The following LARGE1 variants were observed in gnomAD, a reference collection of about 807,000 sequenced individuals.
LARGE1 encodes the protein LARGE xylosyl- and glucuronyltransferase 1.
LARGE1 carries 43 observed loss-of-function variants against 87.6 expected under a neutral mutation model. That is an observed-to-expected ratio of 0.49 (90% confidence interval 0.38 to 0.63). The LOEUF is 0.63. Among genes scored for constraint, LARGE1 ranks in the 30% least tolerant of loss-of-function variants. LARGE1 has a pLI of 0.00. For missense variants in LARGE1, 802 were observed against 1,000.2 expected (o/e 0.80, Z 2.67); for synonymous variants, 434 against 394.6 (o/e 1.10, Z -1.18).
chr22:33,782,725 C>T (rs893661650), intron 1 of LARGE1, among the ~76,000 whole-genome samples: 2 of 151,764 alleles, frequency 1.3e-5, no homozygotes, highest in Admixed American at 1.3e-4. Context: ...ATTAGCTGGG[C>T]GTGGTGGTGC....
At chr22:33,713,507 C>T (rs1011362467) in intron 2 of LARGE1, among the ~76,000 whole-genome samples, 1 of 152,134 alleles carries the variant, frequency 6.6e-6, no homozygotes, top group African/African-American at 2.4e-5. Flanking sequence ...AGCCAGCACA[C>T]ACAGCTGGAC....
At chr22:33,126,135 A>G in the LARGE1 span, among the ~76,000 whole-genome samples, 1 of 152,260 alleles carries the variant, frequency 6.6e-6, no homozygotes, top group African/African-American at 2.4e-5. Flanking sequence ...AAGAGCTGTT[A>G]TATAAAATGA....
chr22:33,766,644 C>CA (rs1371957306), intron 1 of LARGE1, among the ~76,000 whole-genome samples: 2 of 151,810 alleles, frequency 1.3e-5, no homozygotes, highest in African/African-American at 4.8e-5. Context: ...AGGCTGGTCT[C>CA]AAACTCCTGA....
chr22:33,355,417 C>T (rs889611059), intron 9 of LARGE1, among the ~76,000 whole-genome samples: 4 of 152,220 alleles, frequency 2.6e-5, no homozygotes, highest in Non-Finnish European at 5.9e-5. Flanking sequence ...GCACTCAATA[C>T]TGGGTAGCTT....
intron 14 of LARGE1, among the ~76,000 whole-genome samples, chr22:33,275,107 A>C (rs1260451093): frequency 6.6e-6 from 1 of 152,180 alleles, no homozygotes; most frequent in Non-Finnish European, 1.5e-5. Flanking sequence ...GAGGGTACAA[A>C]ACAGGAATGA....
chr22:33,530,490 T>TA (rs2072145507), intron 6 of LARGE1, among the ~76,000 whole-genome samples: 1 of 144,136 alleles, frequency 6.9e-6, no homozygotes, highest in Non-Finnish European at 1.5e-5. Flanking sequence ...AGCCATCAGA[T>TA]AAGTCTCCTA....
the LARGE1 span, among the ~76,000 whole-genome samples, chr22:33,148,071 T>A: frequency 6.6e-6 from 1 of 152,190 alleles, no homozygotes; most frequent in Admixed American, 6.5e-5. Context: ...AGTGGGCTCC[T>A]CTTCAAGGGA....
chr22:33,135,443 A>C, the LARGE1 span, among the ~76,000 whole-genome samples: 1 of 152,250 alleles, frequency 6.6e-6, no homozygotes, highest in African/African-American at 2.4e-5. Flanking sequence ...ATATCATTAA[A>C]TACATTTTAG....
At chr22:33,197,632 A>G (rs1359829707) in intron 11 of LARGE1, among the ~76,000 whole-genome samples, 2 of 152,126 alleles carry the variant, frequency 1.3e-5, no homozygotes, top group African/African-American at 4.8e-5. Flanking sequence ...GAGAGAACTT[A>G]AAGAAGTTCT....
chr22:33,595,053 C>A (rs1263309639), intron 5 of LARGE1, among the ~76,000 whole-genome samples: 1 of 152,180 alleles, frequency 6.6e-6, no homozygotes, highest in African/African-American at 2.4e-5. Context: ...ATTCTTTTGG[C>A]AAATTCCTTA....
At chr22:33,481,545 C>T (rs1298111343) in intron 6 of LARGE1, among the ~76,000 whole-genome samples, 11 of 152,088 alleles carry the variant, frequency 7.2e-5, no homozygotes, top group Non-Finnish European at 1.6e-4. Flanking sequence ...CTCATGCACC[C>T]TATGAATTTT....
At chr22:33,855,265 C>T (rs779762548) in intron 1 of LARGE1, among the ~76,000 whole-genome samples, 3 of 152,024 alleles carry the variant, frequency 2.0e-5, no homozygotes, top group Admixed American at 6.6e-5. Context: ...ACCCAGGAGG[C>T]GGAGCTTGCA....
intron 7 of LARGE1, among the ~76,000 whole-genome samples, chr22:33,411,774 G>C (rs1467269347): frequency 6.6e-6 from 1 of 152,092 alleles, no homozygotes. Flanking sequence ...ACGAATTATA[G>C]CACCTCCATC....
chr22:33,873,127 A>AG (rs1428719866), intron 1 of LARGE1: 2 of 152,308 alleles, frequency 1.3e-5, no homozygotes, highest in African/African-American at 4.8e-5. Flanking sequence ...AACCATCCCC[A>AG]GCAAAAGGGA....
intron 9 of LARGE1, among the ~76,000 whole-genome samples, chr22:33,373,645 T>C (rs1449975361): frequency 2.1e-5 from 3 of 141,722 alleles, no homozygotes; most frequent in Non-Finnish European, 4.5e-5. Flanking sequence ...ACTGTTTTTT[T>C]TCCCCCAGTT....
chr22:33,067,853 A>T, the LARGE1 span, among the ~76,000 whole-genome samples: 2 of 152,066 alleles, frequency 1.3e-5, no homozygotes, highest in South Asian at 4.2e-4. Flanking sequence ...GGTGGCGGGC[A>T]CCTGTGATCC....
intron 11 of LARGE1, among the ~76,000 whole-genome samples, chr22:33,309,340 T>C (rs1256250636): frequency 6.6e-6 from 1 of 152,210 alleles, no homozygotes; most frequent in African/African-American, 2.4e-5. Flanking sequence ...CTAAGTTTTC[T>C]ATTTTTAGTA....
chr22:33,692,565 C>G (rs1483838481), intron 2 of LARGE1, among the ~76,000 whole-genome samples: 1 of 152,194 alleles, frequency 6.6e-6, no homozygotes, highest in African/African-American at 2.4e-5. Flanking sequence ...CCTGCCTTGG[C>G]CTCCCAAAGT....
chr22:33,563,512 C>T (rs2077924180), intron 6 of LARGE1, among the ~76,000 whole-genome samples: 1 of 152,154 alleles, frequency 6.6e-6, no homozygotes, highest in Non-Finnish European at 1.5e-5. Flanking sequence ...AAAAACTGCC[C>T]CTCGTGAGTT....
Sources: gnomAD v4.1 joint callset for allele counts (sites outside exome capture counted in the v4.1 genomes callset) on GRCh38, gnomAD v4.1.1 for gene constraint, MANE v1.5 for transcripts, NCBI Gene and HGNC (gene_info 2026-07-23, HGNC 2026-07-21) for gene names.